Variants in LMO7 observed in about 807,000 individuals in gnomAD.
The protein encoded by LMO7 is LIM domain only protein 7.
LMO7 carries 120 observed loss-of-function variants against 206.5 expected under a neutral mutation model. The ratio of observed to expected loss-of-function variants is 0.58; its 90% CI spans 0.50 to 0.68. The LOEUF is 0.68. Ranked by LOEUF, LMO7 falls within the 30% of genes least tolerant of loss-of-function variation. The pLI, the probability that LMO7 is intolerant of heterozygous loss-of-function variation, is 0.00. For synonymous variants in LMO7, 706 were observed against 681.5 expected, an observed-to-expected ratio of 1.04 and a Z score of -0.56; for missense variants, 1,959 against 1,957.9, an observed-to-expected ratio of 1.00 and a Z score of -0.01.
intron 4 of LMO7, 146 bp downstream of exon 4, chr13:75,761,184 CTG>C (rs1432308351): frequency 5.5e-5 from 32 of 584,900 alleles, no homozygotes; most frequent in African/African-American, 5.4e-4. Context: ...CTAAAAGAGA[CTG>C]TTTTAAAAAT....
chr13:75,758,530 G>A (rs1296532294), intron 3 of LMO7, among the ~76,000 whole-genome samples: 3 of 152,152 alleles, frequency 2.0e-5, no homozygotes, highest in Admixed American at 1.3e-4. Context: ...ATATTCTGCT[G>A]TTTTGGTTAA....
intron 22 of LMO7, 127 bp downstream of exon 22, chr13:75,840,622 C>T (rs1002964215): frequency 1.3e-5 from 14 of 1,111,322 alleles, no homozygotes; most frequent in Middle Eastern, 4.1e-4. Flanking sequence ...TATTTTTGCA[C>T]ACAGTACATT....
intron 15 of LMO7, among the ~76,000 whole-genome samples, chr13:75,826,212 C>T (rs879372510): frequency 4.1e-4 from 62 of 151,722 alleles, no homozygotes; most frequent in African/African-American, 1.4e-3. Flanking sequence ...GGCTAATTTT[C>T]GTATTTTTTT....
At chr13:75,806,484 T>C (rs530262280) in intron 9 of LMO7, 1 of 152,634 alleles carries the variant, frequency 6.6e-6, no homozygotes, top group Admixed American at 6.5e-5. Flanking sequence ...AGCACAATAA[T>C]GTGTGAGACA....
chr13:75,753,149 T>A (rs993206376), intron 3 of LMO7, among the ~76,000 whole-genome samples: 5 of 152,238 alleles, frequency 3.3e-5, no homozygotes, highest in African/African-American at 1.2e-4. Context: ...AATGATATAG[T>A]GGTTTTAATT....
chr13:75,747,797 G>A (rs1033662629), intron 3 of LMO7, among the ~76,000 whole-genome samples: 8 of 152,338 alleles, frequency 5.3e-5, no homozygotes, highest in African/African-American at 1.9e-4. Flanking sequence ...TGGGATTGCG[G>A]TTGCTAATCA....
intron 4 of LMO7, among the ~76,000 whole-genome samples, chr13:75,790,177 G>A (rs1047779328): frequency 3.3e-5 from 5 of 152,172 alleles, no homozygotes; most frequent in Non-Finnish European, 7.4e-5. Flanking sequence ...TTCTGAGGAA[G>A]AAAACTGTGT....
intron 15 of LMO7, among the ~76,000 whole-genome samples, chr13:75,831,194 C>T (rs943208076): frequency 6.6e-6 from 1 of 152,166 alleles, no homozygotes; most frequent in Non-Finnish European, 1.5e-5. Flanking sequence ...TGCATTTCCA[C>T]ATTTAAACTG....
chr13:75,809,473 C>T, intron 11 of LMO7, among the ~76,000 whole-genome samples: 1 of 152,036 alleles, frequency 6.6e-6, no homozygotes, highest in African/African-American at 2.4e-5. Flanking sequence ...AAGCACTTGC[C>T]TAAGATTAGG....
intron 1 of LMO7, among the ~76,000 whole-genome samples, chr13:75,699,237 C>CT (rs1473019022): frequency 2.6e-5 from 4 of 152,158 alleles, no homozygotes; most frequent in African/African-American, 9.7e-5. Flanking sequence ...AACTTGACTG[C>CT]TGTCAATCAG....
At chr13:75,840,213 T>A in intron 21 of LMO7, 103 bp downstream of exon 21, 1 of 1,403,400 alleles carries the variant, frequency 7.1e-7, no homozygotes, top group Admixed American at 1.7e-5. Context: ...TAAGAATTTA[T>A]CAGAGAGTTA....
rs1346949706 is a variant in LMO7 at position 75,636,713 on chromosome 13, A to G, written c.56A>G (p.Gln19Arg). Residue 19 changes from glutamine (Q) to arginine (R), a missense_variant, in exon 1 of 31, where the codon CAG becomes CGG. By Grantham distance (43) the Gln-to-Arg change is conservative. Coordinates refer to ENST00000377534, the MANE Select transcript of LMO7 (RefSeq NM_001306080.2). ...TGCTCCGTGGCGTTCGCTGAGGCTCAGAGATGGGTGGAGGTGAGTGCCTTT... is the reference window on the plus strand; with the variant it reads ...TGCTCCGTGGCGTTCGCTGAGGCTCGGAGATGGGTGGAGGTGAGTGCCTTT... ...ANCSVAFAEAQRWVEAVTEKN... is the reference protein window; with the variant it reads ...ANCSVAFAEARRWVEAVTEKN... The G allele has an allele frequency of 6.2e-7, 1 of 1,609,040 alleles. No individual in the cohort carries two copies. Among genetic ancestry groups the G allele is most frequent in the South Asian group, 1.1e-5 (1 of 89,830 alleles).
At position 75,836,393 on chromosome 13, in the gene LMO7, C is replaced by G; in HGVS notation, c.3334-4C>G. 1 of 1,525,336 alleles carries G rather than the reference C, an allele frequency of 6.6e-7. No homozygotes were observed. The highest frequency in any genetic ancestry group is 9.0e-7 in the Non-Finnish European group (1 of 1,115,396). 94.5% of individuals were successfully genotyped at this position (1,525,336 alleles called of 1,614,324 possible). On this transcript the variant is annotated splice_region_variant and splice_polypyrimidine_tract_variant and intron_variant, in intron 18 of 30. Transcript: ENST00000377534. ...ATATTAACTAGCATTTTTACCCTTT[C>G]CAGAATATTGAATCCAAAGAAATCA...
chr13:75,635,024 AAAAC>A (rs1393486245), upstream of LMO7, among the ~76,000 whole-genome samples: 4 of 58,820 alleles, frequency 6.8e-5, no homozygotes, highest in Non-Finnish European at 1.6e-4. Context: ...AAAACAAAAC[AAAAC>A]AAAACAAAAC....
intron 2 of LMO7, chr13:75,628,617 C>T (rs1352566157): frequency 6.6e-6 from 1 of 152,178 alleles, no homozygotes; most frequent in Non-Finnish European, 1.5e-5. Flanking sequence ...ATGAGAAATA[C>T]ACACATAATC....
At chr13:75,752,072 A>G (rs564187682) in intron 3 of LMO7, among the ~76,000 whole-genome samples, 1 of 149,250 alleles carries the variant, frequency 6.7e-6, no homozygotes, top group South Asian at 2.1e-4. Context: ...AATGACATTT[A>G]TGTAAATTAG....
intron 4 of LMO7, among the ~76,000 whole-genome samples, chr13:75,770,266 A>C (rs2049455786): frequency 6.6e-6 from 1 of 151,852 alleles, no homozygotes; most frequent in African/African-American, 2.4e-5. Flanking sequence ...GTTTATGCCA[A>C]GTTATTAAGA....
At chr13:75,827,429 GA>G (rs1490293963) in intron 15 of LMO7, among the ~76,000 whole-genome samples, 1 of 152,210 alleles carries the variant, frequency 6.6e-6, no homozygotes, top group Non-Finnish European at 1.5e-5. Context: ...CAATCATAAT[GA>G]AGGGAAGAAC....
chr13:75,843,540 C>T (rs1442886854), intron 25 of LMO7, among the ~76,000 whole-genome samples: 1 of 152,168 alleles, frequency 6.6e-6, no homozygotes, highest in Non-Finnish European at 1.5e-5. Flanking sequence ...CTTCACATTA[C>T]TCCCCAAAGG....
Sources: gnomAD v4.1 joint callset for allele counts (sites outside exome capture counted in the v4.1 genomes callset) on GRCh38, gnomAD v4.1.1 for gene constraint, MANE v1.5 for transcripts, NCBI Gene and HGNC (gene_info 2026-07-23, HGNC 2026-07-21) for gene names.